SASH1: variants seen among roughly 807,000 people sequenced by gnomAD.
The protein encoded by SASH1 is SAM and SH3 domain containing 1, also known as SAM and SH3 domain-containing protein 1.
SASH1 carries 44 observed loss-of-function variants against 125.2 expected under a neutral mutation model. The ratio of observed to expected loss-of-function variants is 0.35; its 90% CI spans 0.28 to 0.45. The LOEUF (loss-of-function observed/expected upper bound fraction) is 0.45, where lower values mean the gene tolerates loss of function less well. Among genes scored for constraint, SASH1 ranks in the 20% least tolerant of loss-of-function variants. The pLI is 1.00. For synonymous variants in SASH1, 639 were observed against 649.1 expected (o/e 0.98, Z 0.24); for missense variants, 1,426 against 1,614.5 (o/e 0.88, Z 2.00).
At chr6:148,220,616 A>G in the SASH1 span, among the ~76,000 whole-genome samples, 1 of 152,166 alleles carries the variant, frequency 6.6e-6, no homozygotes, top group Non-Finnish European at 1.5e-5. Context: ...ACCAACAGAT[A>G]CATGAAAAAA....
chr6:148,498,616 G>T (rs1282393819), intron 8 of SASH1, among the ~76,000 whole-genome samples: 1 of 152,154 alleles, frequency 6.6e-6, no homozygotes. Flanking sequence ...TAAAAGTGGT[G>T]ATTTCCTTTG....
chr6:148,413,519 T>C (rs1377064782), intron 2 of SASH1, among the ~76,000 whole-genome samples: 1 of 152,074 alleles, frequency 6.6e-6, no homozygotes, highest in Non-Finnish European at 1.5e-5. Flanking sequence ...TTACGATATG[T>C]ATTTGAGGTG....
rs145176562 is a variant in SASH1 at position 148,439,210 on chromosome 6, A to G, written c.286-974A>G. 6.0e-4 allele frequency among the ~76,000 whole-genome samples: 92 copies of G among 152,280 alleles called. No individual in the cohort carries two copies. The East Asian group carries it at 0.014, about 23-fold the overall frequency. The stretch of plus-strand genomic sequence containing the variant: ...CTATGAAATGAGGGTGTTACACCAT[A>G]TGGTTTTATCTGTAATATTCTTTGA... On this transcript the variant is annotated intron_variant, in intron 2 of 19. Coordinates refer to ENST00000367467, the MANE Select transcript of SASH1 (RefSeq NM_015278.5).
At chr6:148,234,943 G>A in the SASH1 span, among the ~76,000 whole-genome samples, 2 of 152,116 alleles carry the variant, frequency 1.3e-5, no homozygotes, top group Admixed American at 6.6e-5. Context: ...TATCTAAAAT[G>A]TACCCGTAAT....
intron 11 of SASH1, among the ~76,000 whole-genome samples, chr6:148,525,945 G>C (rs1465619403): frequency 6.6e-6 from 1 of 151,210 alleles, no homozygotes; most frequent in African/African-American, 2.4e-5. Flanking sequence ...TGCCCTCTCA[G>C]ACCTGCTTTG....
chr6:148,513,296 T>C (rs1259569833), intron 8 of SASH1: 12 of 985,468 alleles, frequency 1.2e-5, no homozygotes, highest in Non-Finnish European at 1.3e-5. Flanking sequence ...GAGAAGGTTG[T>C]TGTCAGGGCG....
At chr6:148,245,689 A>G in the SASH1 span, among the ~76,000 whole-genome samples, 1 of 152,028 alleles carries the variant, frequency 6.6e-6, no homozygotes, top group African/African-American at 2.4e-5. Context: ...GTTTGAGAAA[A>G]CAAGAATTAA....
intron 2 of SASH1, chr6:148,393,788 G>T: frequency 1.1e-6 from 1 of 920,358 alleles, no homozygotes; most frequent in Non-Finnish European, 1.3e-6. Flanking sequence ...TAAAATTGAT[G>T]GGAGCTGATT....
chr6:148,387,542 CTTTT>C (rs1030328787), intron 1 of SASH1, among the ~76,000 whole-genome samples: 3 of 134,038 alleles, frequency 2.2e-5, no homozygotes, highest in Admixed American at 7.6e-5. Flanking sequence ...TTCTTTCTTT[CTTTT>C]CTTTTCCTTT....
In SASH1 at chr6:148,289,385, C is replaced by A. The variant is rs538873915; in HGVS notation, n.74+17008C>A. Among the ~76,000 whole-genome samples the A allele has an allele frequency of 1.5e-3, 221 of 152,366 alleles. 2 individuals carry two copies. Among genetic ancestry groups the A allele is most frequent in the African/African-American group, 5.0e-3 (206 of 41,590 alleles). ...AAAGGCGTGAGCCTATCTAACTTCA[C>A]ATGCCTCACGATCTCCAGCCTACAG... On this transcript the variant is annotated intron_variant and non_coding_transcript_variant, in intron 1 of 3. Coordinates refer to the SASH1 transcript ENST00000367469.
At chr6:148,307,024 TTTTC>T (rs55686327) in intron 1 of SASH1, among the ~76,000 whole-genome samples, 22,507 of 119,888 alleles carry the variant, frequency 0.19, 1,577 homozygotes, top group Middle Eastern at 0.23. Flanking sequence ...TTTCTCTTTC[TTTTC>T]TTTCTTTCTT....
intron 6 of SASH1, among the ~76,000 whole-genome samples, chr6:148,472,654 T>C (rs1778172522): frequency 1.3e-5 from 2 of 152,206 alleles, no homozygotes; most frequent in Admixed American, 1.3e-4. Flanking sequence ...CACGCTATTA[T>C]TCTCCCTGTG....
the SASH1 span, among the ~76,000 whole-genome samples, chr6:148,244,548 C>T: frequency 1.3e-5 from 2 of 152,118 alleles, no homozygotes; most frequent in Non-Finnish European, 2.9e-5. Context: ...GGTGCTAAGG[C>T]GTTGTTTGCA....
the SASH1 span, among the ~76,000 whole-genome samples, chr6:148,222,533 T>A: frequency 6.6e-6 from 1 of 152,058 alleles, no homozygotes; most frequent in East Asian, 1.9e-4. Flanking sequence ...CACCAAGAAG[T>A]GAACTACATA....
Position 148,544,546 on chromosome 6 carries a change from C to T in SASH1, c.3076C>T (p.Pro1026Ser), listed in dbSNP as rs770017714. The change falls in exon 18 of 20, where the codon CCC becomes TCC. Residue 1026 changes from proline (P) to serine (S), a missense_variant. Physicochemically the swap from Pro to Ser is moderately conservative, Grantham distance 74. Transcript: ENST00000367467. The surrounding 1 kb of genome is among the most constrained non-coding windows in gnomAD (Gnocchi z 6.4). Reference sequence around the variant, plus strand: ...ATGCCTGCCAGTGAAAAGGGGCAGCCCCGCCAGCCCCACCAGCCCTAGCGA... The same window carrying T: ...ATGCCTGCCAGTGAAAAGGGGCAGCTCCGCCAGCCCCACCAGCCCTAGCGA... ...APCLPVKRGS[P>S]ASPTSPSDCP... is the part of the protein sequence containing the mutation. 6.2e-7 allele frequency: 1 copy of T among 1,613,152 alleles called. No individual in the cohort carries two copies. The highest frequency in any genetic ancestry group is 8.5e-7 in the Non-Finnish European group (1 of 1,179,924).
At chr6:148,247,755 G>A in the SASH1 span, among the ~76,000 whole-genome samples, 1 of 152,316 alleles carries the variant, frequency 6.6e-6, no homozygotes, top group African/African-American at 2.4e-5. Flanking sequence ...TGCAAGTGGG[G>A]ACTCATTTAT....
chr6:148,389,743 G>C (rs142851619), intron 1 of SASH1, among the ~76,000 whole-genome samples: 2 of 152,300 alleles, frequency 1.3e-5, no homozygotes, highest in East Asian at 1.9e-4. Context: ...TCCTCACACA[G>C]TGCCTTTGCT....
intron 1 of SASH1, among the ~76,000 whole-genome samples, chr6:148,309,859 G>A (rs1780253077): frequency 6.6e-6 from 1 of 152,088 alleles, no homozygotes; most frequent in Non-Finnish European, 1.5e-5. Flanking sequence ...GGCGAGTTTT[G>A]AGTAATTAAT....
chr6:148,205,014 G>A, the SASH1 span, among the ~76,000 whole-genome samples: 4 of 152,128 alleles, frequency 2.6e-5, no homozygotes, highest in African/African-American at 9.7e-5. Flanking sequence ...TCTCTGTCCA[G>A]CGTGCTTTGT....
Sources: allele counts gnomAD v4.1 joint callset (sites outside exome capture counted in the v4.1 genomes callset), GRCh38; gene constraint gnomAD v4.1.1; non-coding constraint Gnocchi (gnomAD v3.1); transcripts MANE v1.5; gene names NCBI Gene and HGNC (gene_info 2026-07-23, HGNC 2026-07-21).